Variants in INPP5D observed in about 807,000 individuals in gnomAD.
INPP5D encodes the protein phosphatidylinositol 3,4,5-trisphosphate 5-phosphatase 1.
Under a neutral mutation model 122.9 loss-of-function variants are expected in INPP5D, and 33 were observed. The ratio of observed to expected loss-of-function variants is 0.27; its 90% CI spans 0.20 to 0.36. The LOEUF (loss-of-function observed/expected upper bound fraction) is 0.36, where lower values mean the gene tolerates loss of function less well. Ranked by LOEUF, INPP5D falls within the 10% of genes least tolerant of loss-of-function variation. INPP5D has a pLI of 1.00. For missense variants in INPP5D, 1,053 were observed against 1,412.7 expected (o/e 0.75, Z 4.08); for synonymous variants, 584 against 576.2 (o/e 1.01, Z -0.19).
At chr2:233,205,408 C>G (rs1354395296) in intron 26 of INPP5D, 1 of 151,322 alleles carries the variant, frequency 6.6e-6, no homozygotes, top group African/African-American at 2.4e-5. Flanking sequence ...GTTGCCCAGG[C>G]TAGAGTCCAG....
At chr2:233,151,438 C>T (rs767854337) in intron 9 of INPP5D, among the ~76,000 whole-genome samples, 8 of 152,152 alleles carry the variant, frequency 5.3e-5, no homozygotes, top group South Asian at 4.1e-4. Context: ...CCAGTCCTCC[C>T]GTCAATCCAG....
intron 17 of INPP5D, among the ~76,000 whole-genome samples, chr2:233,175,818 G>A (rs1694609768): frequency 6.6e-6 from 1 of 152,164 alleles, no homozygotes; most frequent in African/African-American, 2.4e-5. Flanking sequence ...GAGTAGCTGG[G>A]ATTACAGGCA....
intron 1 of INPP5D, among the ~76,000 whole-genome samples, chr2:233,072,257 T>A (rs570458347): frequency 2.0e-5 from 3 of 152,376 alleles, no homozygotes; most frequent in South Asian, 4.1e-4. Flanking sequence ...TTTTATCAAA[T>A]GCCTTTTTAA....
chr2:233,087,554 T>C (rs2106218599), intron 2 of INPP5D, among the ~76,000 whole-genome samples: 1 of 152,230 alleles, frequency 6.6e-6, no homozygotes, highest in African/African-American at 2.4e-5. Flanking sequence ...CTCGACCTCT[T>C]GACCTTGTGA....
chr2:233,166,593 C>T (rs1292495029), intron 13 of INPP5D, among the ~76,000 whole-genome samples: 1 of 146,032 alleles, frequency 6.8e-6, no homozygotes, highest in East Asian at 2.5e-4. Flanking sequence ...ACACACCTTC[C>T]CCTCCTTCCC....
chr2:233,153,550 CA>C (rs1693976591), intron 9 of INPP5D, among the ~76,000 whole-genome samples: 1 of 152,290 alleles, frequency 6.6e-6, no homozygotes, highest in Admixed American at 6.5e-5. Context: ...GAAGAAAAAA[CA>C]GAGACACTGA....
At chr2:233,145,273 C>T (rs1201764972) in intron 6 of INPP5D, 2 of 456,208 alleles carry the variant, frequency 4.4e-6, no homozygotes, top group South Asian at 3.1e-5. Context: ...ACTAGCTGTG[C>T]GACCTCAGAC....
chr2:233,134,072 G>C lies in INPP5D; in HGVS notation c.665+3424G>C. On this transcript the variant is annotated intron_variant, in intron 5 of 26. Transcript: ENST00000445964. The stretch of plus-strand genomic sequence containing the variant: ...ATTGGATGTGGGGTGAAGGGAAGAT[G>C]AATCTAGGGTGACCCCTGGGTTCCC... The C allele has an allele frequency of 4.4e-6, 2 of 454,570 alleles. 1 individual carries two copies. The highest frequency in any genetic ancestry group is 3.1e-5 in the South Asian group (2 of 64,184). The allele number at this position is 454,570 out of a possible 1,614,324, so 28.2% of individuals were successfully genotyped here.
chr2:233,110,193 A>G (rs1477328867), intron 2 of INPP5D, among the ~76,000 whole-genome samples: 1 of 151,730 alleles, frequency 6.6e-6, no homozygotes, highest in East Asian at 1.9e-4. Flanking sequence ...CTGGGATTAC[A>G]GGTACACACC....
chr2:233,205,013 T>G, intron 26 of INPP5D: 1 of 385,370 alleles, frequency 2.6e-6, no homozygotes, highest in Non-Finnish European at 4.6e-6. Flanking sequence ...AAACTTAGTC[T>G]AGTGTCAGTC....
rs1695513648 is a variant in INPP5D, at chr2:233,206,637, C to G, written c.3568-69C>G. ...GGCCTAGCCCACAGCATGCAGGGAC[C>G]TGGGCCACTTAGTTCAACATGGCCT... is the stretch of plus-strand genomic sequence containing the variant. On this transcript the variant is annotated intron_variant, in intron 26 of 26. Coordinates refer to ENST00000445964, the MANE Select transcript of INPP5D (RefSeq NM_001017915.3). The surrounding 1 kb of genome is among the most constrained non-coding windows in gnomAD (Gnocchi z 4.0). The G allele has an allele frequency of 4.0e-6, 3 of 742,740 alleles. No homozygotes were observed. Among genetic ancestry groups the G allele is most frequent in the African/African-American group, 1.7e-5 (1 of 58,152 alleles). 46.0% of individuals were successfully genotyped at this position (742,740 alleles called of 1,614,324 possible).
At chr2:233,117,093 CGG>C in intron 2 of INPP5D, among the ~76,000 whole-genome samples, 1 of 152,272 alleles carries the variant, frequency 6.6e-6, no homozygotes, top group Middle Eastern at 3.4e-3. Context: ...GTAACCATTG[CGG>C]GGATCATGTC....
intron 3 of INPP5D, among the ~76,000 whole-genome samples, chr2:233,124,460 G>A (rs1450744559): frequency 6.6e-6 from 1 of 152,244 alleles, no homozygotes; most frequent in Admixed American, 6.5e-5. Flanking sequence ...GGCTGAAAGG[G>A]TCCCAGGCAG....
rs891050968 is a variant in INPP5D at position 233,206,254 on chromosome 2, T to G, written c.3568-452T>G. 6.6e-6 allele frequency among the ~76,000 whole-genome samples: 1 copy of G among 152,008 alleles called. No individual in the cohort carries two copies. Among genetic ancestry groups the G allele is most frequent in the African/African-American group, 2.4e-5 (1 of 41,396 alleles). On this transcript the variant is annotated intron_variant, in intron 26 of 26. Transcript: ENST00000445964. The surrounding 1 kb of genome is among the most constrained non-coding windows in gnomAD (Gnocchi z 4.0). Reference sequence around the variant, plus strand: ...TATTATGTATTATTACCATGTATTATCATCTATATAGAAATTATATATTTA... The same window carrying G: ...TATTATGTATTATTACCATGTATTAGCATCTATATAGAAATTATATATTTA...
chr2:233,135,392 A>G (rs1693441604), intron 5 of INPP5D, among the ~76,000 whole-genome samples: 1 of 151,704 alleles, frequency 6.6e-6, no homozygotes, highest in South Asian at 2.1e-4. Context: ...TTAGAGATGG[A>G]GTTTCACTAT....
At chr2:233,066,643 G>A (rs755035962) in intron 1 of INPP5D, among the ~76,000 whole-genome samples, 19 of 152,124 alleles carry the variant, frequency 1.2e-4, no homozygotes, top group South Asian at 1.0e-3. Flanking sequence ...GTCTTGCTCT[G>A]TTGCCCAGGC....
rs888132604 is a variant in INPP5D at position 233,082,746 on chromosome 2, T to C, written c.198+3348T>C. Reference sequence around the variant, plus strand: ...CCATCTTTCACAGACTTAAAAAAAATCCGAGATGGGAGGGCAGGATGCAAA... The same window carrying C: ...CCATCTTTCACAGACTTAAAAAAAACCCGAGATGGGAGGGCAGGATGCAAA... On this transcript the variant is annotated intron_variant, in intron 2 of 26. Transcript: ENST00000445964. The surrounding 1 kb of genome is among the most constrained non-coding windows in gnomAD (Gnocchi z 4.7). Among the ~76,000 whole-genome samples, 8 of 152,242 alleles carry C rather than the reference T, an allele frequency of 5.3e-5. No homozygotes were observed. The South Asian group carries it at 1.7e-3, about 32-fold the overall frequency.
At position 233,113,980 on chromosome 2, in the gene INPP5D, A is replaced by C. The variant is rs569126947; in HGVS notation, c.199-8127A>C. ...GGATGGAGTGCAGTGGCGCCATCTC[A>C]GCTCACTGCAAGCTCCGCCTCCCGG... On this transcript the variant is annotated intron_variant, in intron 2 of 26. Transcript: ENST00000445964. Among the ~76,000 whole-genome samples the C allele has an allele frequency of 9.4e-3, 1,334 of 141,548 alleles. 5 individuals carry two copies. Among genetic ancestry groups the C allele is most frequent in the Non-Finnish European group, 0.015 (998 of 67,036 alleles). The allele number at this position is 141,548 out of a possible 152,430, so 92.9% of individuals were successfully genotyped here. A position where few individuals can be genotyped will look rare whatever the true frequency, so the allele number is the denominator to read the frequency against.
rs1338434020 is a variant in INPP5D at position 233,164,291 on chromosome 2, G to A, written c.1438-16G>A. On this transcript the variant is annotated splice_polypyrimidine_tract_variant and intron_variant, in intron 12 of 26. Transcript: ENST00000445964. The surrounding 1 kb of genome is among the most constrained non-coding windows in gnomAD (Gnocchi z 4.3). ...CTACACTTGGGCCGAGTATTGCAAC[G>A]TTGTCCTCCCACCAGGTCGCCATCC... 2 of 1,543,866 alleles carry A rather than the reference G, an allele frequency of 1.3e-6. No homozygotes were observed. Among genetic ancestry groups the A allele is most frequent in the African/African-American group, 1.4e-5 (1 of 72,916 alleles).
Sources: allele counts gnomAD v4.1 joint callset (sites outside exome capture counted in the v4.1 genomes callset), GRCh38; gene constraint gnomAD v4.1.1; non-coding constraint Gnocchi (gnomAD v3.1); transcripts MANE v1.5; gene names NCBI Gene and HGNC (gene_info 2026-07-23, HGNC 2026-07-21).